The following NRG3 variants were observed in gnomAD, a reference collection of about 807,000 sequenced individuals.
NRG3 encodes neuregulin 3.
NRG3 carries 31 observed loss-of-function variants against 66.9 expected under a neutral mutation model. The observed-to-expected ratio is 0.46, with a 90% CI of 0.35 to 0.63. The LOEUF is 0.63. Among genes scored for constraint, NRG3 ranks in the 20% least tolerant of loss-of-function variants. The probability of loss-of-function intolerance (pLI) is 0.00; values close to 1 mark genes in which losing one functional copy is unlikely to be tolerated. For missense variants in NRG3, 910 were observed against 878.9 expected (o/e 1.04, Z -0.45); for synonymous variants, 393 against 359.4 (o/e 1.09, Z -1.06).
In NRG3 at chr10:82,959,184, G is replaced by T. The variant is rs1480845975; in HGVS notation, c.1284+109G>T. On this transcript the variant is annotated intron_variant, in intron 6 of 8. Transcript: ENST00000372141. Reference sequence around the variant, plus strand: ...TGTAAATATTTTTCAGAGCTTTATAGGGTTTTGCTTAAATCGTTTTAACAG... The same window carrying T: ...TGTAAATATTTTTCAGAGCTTTATATGGTTTTGCTTAAATCGTTTTAACAG... The T allele has an allele frequency of 3.1e-6, 4 of 1,277,186 alleles. No individual in the cohort carries two copies. The African/African-American group carries it at 4.5e-5, about 14-fold the overall frequency. 79.1% of individuals were successfully genotyped at this position (1,277,186 alleles called of 1,614,324 possible). A position where few individuals can be genotyped will look rare whatever the true frequency, so the allele number is the denominator to read the frequency against.
chr10:82,266,587 A>G (rs998707860), intron 1 of NRG3, among the ~76,000 whole-genome samples: 1 of 152,170 alleles, frequency 6.6e-6, no homozygotes, highest in East Asian at 1.9e-4. Flanking sequence ...CTCATTACTA[A>G]AGGTAGACAG....
intron 1 of NRG3, among the ~76,000 whole-genome samples, chr10:82,080,873 C>G (rs2065355065): frequency 6.6e-6 from 1 of 152,144 alleles, no homozygotes; most frequent in African/African-American, 2.4e-5. Context: ...AAATCTCTAT[C>G]CATTAAACAA....
chr10:82,507,627 G>A (rs1565004125), intron 2 of NRG3, among the ~76,000 whole-genome samples: 1 of 152,174 alleles, frequency 6.6e-6, no homozygotes, highest in Non-Finnish European at 1.5e-5. Context: ...TCCTATCTCA[G>A]TGTCTGACCT....
intron 1 of NRG3, among the ~76,000 whole-genome samples, chr10:82,113,724 G>A (rs2067529820): frequency 6.6e-6 from 1 of 152,096 alleles, no homozygotes; most frequent in Non-Finnish European, 1.5e-5. Flanking sequence ...TTTGATAATT[G>A]CACTAGGTAA....
chr10:82,335,700 C>T (rs1037832544), intron 1 of NRG3, among the ~76,000 whole-genome samples: 1 of 152,134 alleles, frequency 6.6e-6, no homozygotes, highest in Non-Finnish European at 1.5e-5. Flanking sequence ...TAATGAACAT[C>T]ATGCAGCTGG....
intron 1 of NRG3, among the ~76,000 whole-genome samples, chr10:81,996,405 C>A (rs1194353580): frequency 3.3e-5 from 5 of 152,122 alleles, no homozygotes; most frequent in Admixed American, 6.6e-5. Flanking sequence ...ACCCCCATTC[C>A]ACCCTCTGTC....
intron 3 of NRG3, among the ~76,000 whole-genome samples, chr10:82,836,021 A>G (rs2135712206): frequency 6.6e-6 from 1 of 152,288 alleles, no homozygotes; most frequent in South Asian, 2.1e-4. Context: ...TGTATGGCTG[A>G]CAAGCTAAGA....
chr10:82,949,105 A>G (rs1282973498), intron 4 of NRG3, among the ~76,000 whole-genome samples: 3 of 152,124 alleles, frequency 2.0e-5, no homozygotes, highest in South Asian at 2.1e-4. Context: ...AAGAATGAAT[A>G]TTAAGTTTGG....
chr10:82,287,705 G>GTAGACTCAAA (rs2079501182), intron 1 of NRG3, among the ~76,000 whole-genome samples: 1 of 152,118 alleles, frequency 6.6e-6, no homozygotes, highest in African/African-American at 2.4e-5. Flanking sequence ...TGTGTTCTGG[G>GTAGACTCAAA]TTCAGGCTGG....
At chr10:82,734,408 C>A (rs535503392) in intron 2 of NRG3, among the ~76,000 whole-genome samples, 2 of 152,062 alleles carry the variant, frequency 1.3e-5, no homozygotes, top group African/African-American at 4.8e-5. Flanking sequence ...GAAAGCAATG[C>A]GGAGTAGAAA....
At chr10:82,565,753 T>C (rs1194028575) in intron 2 of NRG3, among the ~76,000 whole-genome samples, 1 of 152,034 alleles carries the variant, frequency 6.6e-6, no homozygotes, top group African/African-American at 2.4e-5. Flanking sequence ...AAATTTTGAC[T>C]ATTTCACCAC....
At chr10:82,533,951 T>G (rs568210771) in intron 2 of NRG3, among the ~76,000 whole-genome samples, 176 of 152,260 alleles carry the variant, frequency 1.2e-3, no homozygotes, top group African/African-American at 4.0e-3. Flanking sequence ...TTAGTTGCAT[T>G]TCTATAGACT....
At chr10:82,936,531 C>A (rs979004764) in intron 4 of NRG3, among the ~76,000 whole-genome samples, 1 of 152,056 alleles carries the variant, frequency 6.6e-6, no homozygotes, top group Non-Finnish European at 1.5e-5. Context: ...GTTCAAGAGA[C>A]CTATTGTGCA....
At chr10:82,194,972 G>T (rs1445345181) in intron 1 of NRG3, among the ~76,000 whole-genome samples, 1 of 151,970 alleles carries the variant, frequency 6.6e-6, no homozygotes, top group African/African-American at 2.4e-5. Flanking sequence ...TAATTATCTT[G>T]CAAGGCTAAG....
intron 1 of NRG3, among the ~76,000 whole-genome samples, chr10:82,240,725 T>G (rs574933094): frequency 1.9e-3 from 297 of 152,324 alleles, no homozygotes; most frequent in African/African-American, 7.0e-3. Flanking sequence ...TCAAATGGAA[T>G]GGCATTAGAT....
chr10:82,252,283 T>G (rs1194961483), intron 1 of NRG3, among the ~76,000 whole-genome samples: 1 of 152,230 alleles, frequency 6.6e-6, no homozygotes, highest in African/African-American at 2.4e-5. Context: ...GCTTTAGTGA[T>G]AAAAATAGCC....
At chr10:82,445,345 A>G (rs1376831473) in intron 2 of NRG3, among the ~76,000 whole-genome samples, 2 of 152,160 alleles carry the variant, frequency 1.3e-5, no homozygotes, top group Non-Finnish European at 2.9e-5. Flanking sequence ...CCTCACCTAA[A>G]GGCCTTGGCA....
intron 2 of NRG3, among the ~76,000 whole-genome samples, chr10:82,411,484 C>T (rs73306162): frequency 0.029 from 4,482 of 152,138 alleles, 207 homozygotes; most frequent in African/African-American, 0.1. Context: ...GAGCCTCTGT[C>T]GTCCTCAAAC....
chr10:82,095,869 A>G lies in NRG3; in HGVS notation c.823+219706A>G, dbSNP rs1354777529. Among the ~76,000 whole-genome samples, 3 of 152,222 alleles carry G rather than the reference A, an allele frequency of 2.0e-5. No homozygotes were observed. In the East Asian group the frequency reaches 5.8e-4, roughly 29 times the overall value. On this transcript the variant is annotated intron_variant, in intron 1 of 8. Transcript: ENST00000372141. ...GTATGCCAGCCATGAATGAATTGAC[A>G]GTAAACTGAGCACTTCAACGTGGGG...
Sources: allele counts gnomAD v4.1 joint callset (sites outside exome capture counted in the v4.1 genomes callset), GRCh38; gene constraint gnomAD v4.1.1; transcripts MANE v1.5; gene names NCBI Gene and HGNC (gene_info 2026-07-23, HGNC 2026-07-21).